SPRYD3: variants seen among roughly 807,000 people sequenced by gnomAD.
The protein encoded by SPRYD3 is SPRY domain containing 3, also known as SPRY domain-containing protein 3.
In SPRYD3, 17 loss-of-function variants were observed where a neutral mutation model predicts 50.1. That is an observed-to-expected ratio of 0.34 (90% CI 0.23 to 0.51). SPRYD3 has a LOEUF of 0.51. Among genes scored for constraint, SPRYD3 ranks in the 20% least tolerant of loss-of-function variants. The pLI is 0.97. For missense variants in SPRYD3, 401 were observed against 591.2 expected (o/e 0.68, Z 3.34); for synonymous variants, 198 against 215.5 (o/e 0.92, Z 0.71).
intron 8 of SPRYD3, 108 bp downstream of exon 8, chr12:53,067,540 G>T: frequency 9.5e-7 from 1 of 1,047,124 alleles, no homozygotes; most frequent in South Asian, 1.3e-5. Context: ...GCCAGCAGCA[G>T]GGCAAACAGC....
rs555711819 is a variant in SPRYD3 at position 53,073,459 on chromosome 12, T to C, written c.520A>G (p.Ile174Val). ...AGTCCATCTGGGGACATGGGCATGATGGTAGAGCCCACCTGCAGTGGGGGG... is the reference window on the plus strand; with the variant it reads ...AGTCCATCTGGGGACATGGGCATGACGGTAGAGCCCACCTGCAGTGGGGGG... ...TKNGKRVGST[I>V]MPMSPDGLFP... Residue 174 changes from isoleucine (I) to valine (V), a missense_variant, in exon 6 of 11, where the codon ATC becomes GTC. Ile to Val is a conservative substitution (Grantham distance 29). Coordinates refer to ENST00000301463, the MANE Select transcript of SPRYD3 (RefSeq NM_032840.3). 1.9e-6 allele frequency: 3 copies of C among 1,546,098 alleles called. No individual in the cohort carries two copies. The highest frequency in any genetic ancestry group is 2.4e-5 in the South Asian group (2 of 84,298).
rs1404453497 is a variant in SPRYD3, at chr12:53,074,249, A to G, written c.507+400T>C. 1.3e-5 allele frequency among the ~76,000 whole-genome samples: 2 copies of G among 152,190 alleles called. No homozygotes were observed. Among genetic ancestry groups the G allele is most frequent in the Non-Finnish European group, 2.9e-5 (2 of 68,042 alleles). On this transcript the variant is annotated intron_variant, in intron 5 of 10. Transcript: ENST00000301463. This position sits in a 1 kb window ranked among gnomAD's most constrained non-coding sequence, Gnocchi z 4.6. ...AGAGACGTGAAACAAGGAAAACAGG[A>G]CACAGAAAGGACATATCCCCAAAAG... is the stretch of plus-strand genomic sequence containing the variant.
chr12:53,070,794 C>T (rs986426101), intron 6 of SPRYD3, among the ~76,000 whole-genome samples: 1 of 152,224 alleles, frequency 6.6e-6, no homozygotes, highest in Non-Finnish European at 1.5e-5. Flanking sequence ...CCAACCAGGA[C>T]GATGGCCACT....
At chr12:53,073,506 C>T (rs111949934) in intron 5 of SPRYD3, 35 bp from the exon 6 acceptor site, 3 of 1,486,798 alleles carry the variant, frequency 2.0e-6, no homozygotes, top group East Asian at 2.5e-5. Context: ...TGCCACCCGG[C>T]CTGCTTTTCC....
At chr12:53,072,261 T>G (rs1944555230) in intron 6 of SPRYD3, among the ~76,000 whole-genome samples, 1 of 152,150 alleles carries the variant, frequency 6.6e-6, no homozygotes, top group Admixed American at 6.5e-5. Flanking sequence ...GGGACCCTGA[T>G]GCCAGACGGG....
rs757801857 is a variant in SPRYD3 at position 53,075,825 on chromosome 12, GA to G, written c.171-15del. On this transcript the variant is annotated splice_polypyrimidine_tract_variant and intron_variant, in intron 2 of 10. Transcript: ENST00000301463. ...TTTCCATGATAACTGAAGGAGGAAT[GA>G]GGGGGGAATTCCATTAGCAGCCTAG... 1.9e-6 allele frequency: 3 copies of G among 1,610,880 alleles called. No homozygotes were observed. In the South Asian group the frequency reaches 3.3e-5, roughly 18 times the overall value.
intron 1 of SPRYD3, among the ~76,000 whole-genome samples, chr12:53,078,437 C>T (rs997442017): frequency 6.8e-6 from 1 of 147,678 alleles, no homozygotes; most frequent in Admixed American, 6.8e-5. Flanking sequence ...TGCAGTGAGC[C>T]GAGATCGTCC....
In SPRYD3 at chr12:53,066,653, G is replaced by T; in HGVS notation, c.941C>A (p.Pro314His). The T allele has an allele frequency of 1.9e-6, 3 of 1,613,918 alleles. No individual in the cohort carries two copies. Among genetic ancestry groups the T allele is most frequent in the Non-Finnish European group, 2.5e-6 (3 of 1,179,912 alleles). The change falls in exon 9 of 11, where the codon CCC becomes CAC. Residue 314 changes from proline (P) to histidine (H), a missense_variant. Pro to His is a moderately conservative substitution (Grantham distance 77, BLOSUM62 -2). Transcript: ENST00000301463. The stretch of plus-strand genomic sequence containing the variant: ...CCCTTTGTAACAGCGTGGCCCAAAG[G>T]GGTCCCCCACACCACTGCCATGGAA... ...KIFHGSGVGD[P>H]FGPRCYKGDI...
chr12:53,069,917 A>C (rs981629836), intron 6 of SPRYD3, among the ~76,000 whole-genome samples: 2 of 152,146 alleles, frequency 1.3e-5, no homozygotes, highest in Admixed American at 1.3e-4. Context: ...TCGGTGTAGG[A>C]AACACAGTGT....
intron 6 of SPRYD3, among the ~76,000 whole-genome samples, chr12:53,070,023 AGCT>A (rs1349350263): frequency 2.6e-5 from 4 of 152,326 alleles, no homozygotes; most frequent in African/African-American, 9.6e-5. Flanking sequence ...AGAAGAGGGT[AGCT>A]GCTGCATTTC....
intron 6 of SPRYD3, among the ~76,000 whole-genome samples, chr12:53,070,460 C>A (rs113266873): frequency 2.6e-5 from 4 of 152,318 alleles, no homozygotes; most frequent in African/African-American, 9.6e-5. Flanking sequence ...AGAGTCTGAA[C>A]TGTTAGGATC....
In SPRYD3 at chr12:53,075,752, T is replaced by C; in HGVS notation, c.230A>G (p.Asp77Gly). The C allele has an allele frequency of 6.2e-7, 1 of 1,613,998 alleles. No individual in the cohort carries two copies. Residue 77 changes from aspartate (D) to glycine (G), a missense_variant, in exon 3 of 11, where the codon GAC becomes GGC. Asp to Gly is a moderately conservative substitution (Grantham distance 94). Coordinates refer to ENST00000301463, the MANE Select transcript of SPRYD3 (RefSeq NM_032840.3). ...CTTGATCACCTCAAAATAATTGCTGTCCTTGGTCAGGGGTCGAGAAGCCAC... is the reference window on the plus strand; with the variant it reads ...CTTGATCACCTCAAAATAATTGCTGCCCTTGGTCAGGGGTCGAGAAGCCAC... The part of the protein sequence containing the change: ...CYVASRPLTK[D>G]SNYFEVSIVD...
intron 10 of SPRYD3, 90 bp downstream of exon 10, chr12:53,066,224 C>CA (rs1944504837): frequency 6.5e-7 from 1 of 1,549,674 alleles, no homozygotes. Context: ...CCGTCTTTCC[C>CA]ACCCTGGTTG....
chr12:53,064,816 C>A lies in SPRYD3; in HGVS notation c.*1016G>T. 6.5e-6 allele frequency: 1 copy of A among 153,090 alleles called. No homozygotes were observed. Among genetic ancestry groups the A allele is most frequent in the Non-Finnish European group, 1.5e-5 (1 of 68,304 alleles). The allele number at this position is 153,090 out of a possible 1,614,324, so 9.5% of individuals were successfully genotyped here. ...AAAAGTCACTGTTACGGGGAGGGGG[C>A]CAGGGGTTGAAGGATTAGAAGGAGA... On this transcript the variant is annotated 3_prime_UTR_variant, in exon 11 of 11. Transcript: ENST00000301463.
chr12:53,078,558 A>G (rs1213394701), intron 1 of SPRYD3, among the ~76,000 whole-genome samples: 2 of 152,068 alleles, frequency 1.3e-5, no homozygotes, highest in Non-Finnish European at 2.9e-5. Flanking sequence ...AGAACTGATC[A>G]CAAGAGGATC....
intron 3 of SPRYD3, 98 bp downstream of exon 3, chr12:53,075,638 A>T (rs1944582564): frequency 1.0e-6 from 1 of 970,482 alleles, no homozygotes; most frequent in East Asian, 2.5e-5. Flanking sequence ...GGAAAATTAA[A>T]AGGCCCAGGT....
At chr12:53,068,879 G>A (rs1346135402) in intron 6 of SPRYD3, among the ~76,000 whole-genome samples, 1 of 152,168 alleles carries the variant, frequency 6.6e-6, no homozygotes, top group Non-Finnish European at 1.5e-5. Flanking sequence ...GAACACAGCT[G>A]TTCTTAGCTG....
In SPRYD3 at chr12:53,074,901, C is replaced by T. The variant is rs1944577631; in HGVS notation, c.372-117G>A. 7.1e-7 allele frequency: 1 copy of T among 1,401,784 alleles called. No individual in the cohort carries two copies. Among genetic ancestry groups the T allele is most frequent in the African/African-American group, 1.4e-5 (1 of 70,746 alleles). The allele number at this position is 1,401,784 out of a possible 1,614,324, so 86.8% of individuals were successfully genotyped here. The stretch of plus-strand genomic sequence containing the variant: ...GCTCCTGGTCATTCTGTGATGGTAC[C>T]CACTTACGTCCTGGCGTGAGCATCA... On this transcript the variant is annotated intron_variant, in intron 4 of 10. Transcript: ENST00000301463. This position sits in a 1 kb window ranked among gnomAD's most constrained non-coding sequence, Gnocchi z 4.6.
chr12:53,066,566 C>G lies in SPRYD3; in HGVS notation c.1021+7G>C, dbSNP rs956320424. The G allele has an allele frequency of 1.2e-6, 2 of 1,613,818 alleles. No individual in the cohort carries two copies. Among genetic ancestry groups the G allele is most frequent in the Non-Finnish European group, 1.7e-6 (2 of 1,179,928 alleles). On this transcript the variant is annotated splice_region_variant and intron_variant, in intron 9 of 10. Coordinates refer to ENST00000301463, the MANE Select transcript of SPRYD3 (RefSeq NM_032840.3). ...GCAGCCTGGCTGGCCACCCCTACCC[C>G]ACTCACCCTCACTGTCCAAAATGTA...
Sources: allele counts gnomAD v4.1 joint callset (sites outside exome capture counted in the v4.1 genomes callset), GRCh38; gene constraint gnomAD v4.1.1; non-coding constraint Gnocchi (gnomAD v3.1); transcripts MANE v1.5; gene names NCBI Gene and HGNC (gene_info 2026-07-23, HGNC 2026-07-21).